LACTB: variants seen among roughly 807,000 people sequenced by gnomAD.
LACTB encodes lactamase beta, also known as serine beta-lactamase-like protein LACTB, mitochondrial.
LACTB carries 35 observed loss-of-function variants against 50.2 expected under a neutral mutation model. That is an observed-to-expected ratio of 0.70 (90% CI 0.53 to 0.92). The LOEUF is 0.92. LACTB is among the 40% of genes least tolerant of loss of function. The probability of loss-of-function intolerance (pLI) is 0.00; values close to 1 mark genes in which losing one functional copy is unlikely to be tolerated. For synonymous variants in LACTB, 252 were observed against 268.2 expected, an observed-to-expected ratio of 0.94 and a Z score of 0.59; for missense variants, 664 against 691.8, an observed-to-expected ratio of 0.96 and a Z score of 0.45.
At chr15:63,122,772 T>A in intron 2 of LACTB, 70 bp downstream of exon 2, 1 of 1,057,756 alleles carries the variant, frequency 9.5e-7, no homozygotes, top group Non-Finnish European at 1.5e-6. Flanking sequence ...CTGGTTAGAG[T>A]GGATCCCATG....
chr15:63,141,174 A>ATCAT, intron 5 of LACTB, 106 bp from the exon 6 acceptor site: 1 of 1,448,168 alleles, frequency 6.9e-7, no homozygotes, highest in Non-Finnish European at 9.1e-7. Context: ...AGAATGTATG[A>ATCAT]TCATTACATT....
At chr15:63,126,165 A>G (rs1156247619) in intron 2 of LACTB, 1 of 152,078 alleles carries the variant, frequency 6.6e-6, no homozygotes, top group African/African-American at 2.4e-5. Flanking sequence ...CATTTTTGAG[A>G]CAGTTTCACT....
chr15:63,129,102 G>C (rs2037095218), intron 4 of LACTB, among the ~76,000 whole-genome samples: 1 of 152,100 alleles, frequency 6.6e-6, no homozygotes, highest in Admixed American at 6.5e-5. Flanking sequence ...ATGAGTAGAG[G>C]TATATTAAGA....
chr15:63,137,108 T>A lies in LACTB; in HGVS notation c.1119-4172T>A, dbSNP rs189088827. On this transcript the variant is annotated intron_variant, in intron 5 of 5. Transcript: ENST00000261893. ...CAAGAGAATTGTTTTTAACTGGATA[T>A]GTTGTTGTCTTGAATAAAATTGGGA... 3.2e-4 allele frequency among the ~76,000 whole-genome samples: 48 copies of A among 152,342 alleles called. No homozygotes were observed. In the East Asian group the frequency reaches 7.7e-3, roughly 24 times the overall value.
intron 5 of LACTB, among the ~76,000 whole-genome samples, chr15:63,136,760 G>A (rs1301688196): frequency 6.6e-6 from 1 of 152,004 alleles, no homozygotes; most frequent in African/African-American, 2.4e-5. Context: ...AAATATATAT[G>A]TTTGGATTCA....
intron 5 of LACTB, among the ~76,000 whole-genome samples, chr15:63,136,359 G>C (rs187780666): frequency 6.6e-6 from 1 of 152,080 alleles, no homozygotes; most frequent in Non-Finnish European, 1.5e-5. Flanking sequence ...GAAAAAAGGC[G>C]ATGGGTTTCT....
At chr15:63,131,270 C>T (rs573601203) in intron 5 of LACTB, 11 of 152,138 alleles carry the variant, frequency 7.2e-5, no homozygotes, top group Non-Finnish European at 1.0e-4. Flanking sequence ...CCAGCCTGGG[C>T]GACAAAGTGA....
chr15:63,125,004 TG>T (rs2037031522), intron 2 of LACTB, among the ~76,000 whole-genome samples: 1 of 151,610 alleles, frequency 6.6e-6, no homozygotes, highest in Admixed American at 6.6e-5. Flanking sequence ...AGTAAGTTGA[TG>T]GGCGCAGTAG....
intron 2 of LACTB, chr15:63,126,050 T>G (rs1010172692): frequency 6.6e-6 from 1 of 152,070 alleles, no homozygotes; most frequent in Non-Finnish European, 1.5e-5. Context: ...AAATTTAAAA[T>G]TTTTTCTAGA....
At chr15:63,122,337 G>T in intron 1 of LACTB, 109 bp downstream of exon 1, 1 of 971,682 alleles carries the variant, frequency 1.0e-6, no homozygotes, top group Non-Finnish European at 1.5e-6. Context: ...CCCGCGATCG[G>T]CTTCCGAGAA....
At chr15:63,138,303 C>G (rs72747067) in intron 5 of LACTB, among the ~76,000 whole-genome samples, 10 of 151,988 alleles carry the variant, frequency 6.6e-5, no homozygotes, top group South Asian at 2.1e-4. Flanking sequence ...CCTGTCCCCC[C>G]ACCCTTGAAA....
chr15:63,122,472 C>A lies in LACTB; in HGVS notation c.358-164C>A. On this transcript the variant is annotated intron_variant, in intron 1 of 5. Coordinates refer to ENST00000261893, the MANE Select transcript of LACTB (RefSeq NM_032857.5). ...CCCCTAGGGGGCGGACAGGCACATC[C>A]CTTGCTGTTAGTGAGTGACCATGGC... 4.1e-6 allele frequency: 3 copies of A among 736,994 alleles called. No individual in the cohort carries two copies. The South Asian group carries it at 4.6e-5, about 11-fold the overall frequency. 45.7% of individuals were successfully genotyped at this position (736,994 alleles called of 1,614,324 possible).
chr15:63,122,215 T>C lies in LACTB; in HGVS notation c.344T>C (p.Leu115Pro). 1 of 1,559,164 alleles carries C rather than the reference T, an allele frequency of 6.4e-7. No homozygotes were observed. The highest frequency in any genetic ancestry group is 1.4e-5 in the African/African-American group (1 of 73,482). ...ARAIESSRDLLHRIKDEVGAP... is the reference protein window; with the variant it reads ...ARAIESSRDLPHRIKDEVGAP... ...GCCATCGAGAGCAGCCGCGACCTGCTGCACAGGATCAAGGTGCGGCCACTG... is the reference window on the plus strand; with the variant it reads ...GCCATCGAGAGCAGCCGCGACCTGCCGCACAGGATCAAGGTGCGGCCACTG... The change falls in exon 1 of 6, where the codon CTG (leucine) becomes CCG (proline). Residue 115 changes from leucine (L) to proline (P), a missense_variant. Physicochemically the swap from Leu to Pro is moderately conservative, Grantham distance 98. Transcript: ENST00000261893.
intron 1 of LACTB, among the ~76,000 whole-genome samples, 160 bp downstream of exon 1, chr15:63,122,388 T>C (rs2036986719): frequency 6.6e-6 from 1 of 152,134 alleles, no homozygotes; most frequent in African/African-American, 2.4e-5. Context: ...GGTCAGACGC[T>C]CTTGGGGGTT....
chr15:63,129,613 C>T lies in LACTB; in HGVS notation c.1081C>T (p.Gln361Ter), dbSNP rs1454926520. The change falls in exon 5 of 6, where the codon CAG (glutamine) becomes TAG (stop). Residue 361 changes from glutamine to a stop codon, truncating the protein, a stop_gained. Transcript: ENST00000261893. LOFTEE classifies it high-confidence loss of function. ...TGACTTGGATATGCTGACGACTGTG[C>T]AGGAAGAAAACGAGCCAGTGATTTA... The part of the protein sequence containing the change: ...FHDLDMLTTV[Q>*]EENEPVIYNR... 1.2e-6 allele frequency: 2 copies of T among 1,610,038 alleles called. No homozygotes were observed. The highest frequency in any genetic ancestry group is 1.7e-6 in the Non-Finnish European group (2 of 1,178,372).
At chr15:63,138,402 A>T (rs545034713) in intron 5 of LACTB, among the ~76,000 whole-genome samples, 1 of 152,224 alleles carries the variant, frequency 6.6e-6, no homozygotes, top group Non-Finnish European at 1.5e-5. Flanking sequence ...CTTATAAATA[A>T]GTATGAAGAA....
intron 5 of LACTB, among the ~76,000 whole-genome samples, chr15:63,131,704 G>A (rs2037134314): frequency 6.6e-6 from 1 of 152,094 alleles, no homozygotes; most frequent in African/African-American, 2.4e-5. Context: ...CAGCACTTTG[G>A]GAGGCCAAGG....
chr15:63,141,677 G>C lies in LACTB; in HGVS notation c.1516G>C (p.Glu506Gln), dbSNP rs778310160. The part of the protein sequence containing the change: ...LLVLPEELDT[E>Q]TINNKVPPRG... ...GGTCCTTCCTGAAGAACTGGATACA[G>C]AGACTATAAATAACAAGGTTCCCCC... is the stretch of plus-strand genomic sequence containing the variant. Residue 506 changes from glutamate to glutamine, a missense_variant, in exon 6 of 6, where the codon GAG becomes CAG. Transcript: ENST00000261893. 1.2e-5 allele frequency: 19 copies of C among 1,614,186 alleles called. No homozygotes were observed. The highest frequency in any genetic ancestry group is 1.0e-5 in the Non-Finnish European group (12 of 1,180,034).
chr15:63,131,423 A>G (rs2037132093), intron 5 of LACTB: 1 of 152,238 alleles, frequency 6.6e-6, no homozygotes, highest in Non-Finnish European at 1.5e-5. Flanking sequence ...AAAATAGTAT[A>G]TGAAATAATA....
Sources: gnomAD v4.1 joint callset for allele counts (sites outside exome capture counted in the v4.1 genomes callset) on GRCh38, gnomAD v4.1.1 for gene constraint, MANE v1.5 for transcripts, NCBI Gene and HGNC (gene_info 2026-07-23, HGNC 2026-07-21) for gene names.